The following ISOC1 variants were observed in gnomAD, a reference collection of about 807,000 sequenced individuals.
ISOC1 encodes the protein isochorismatase domain-containing protein 1.
ISOC1 carries 33 observed loss-of-function variants against 30.0 expected under a neutral mutation model. That is an observed-to-expected ratio of 1.10 (90% CI 0.83 to 1.47). ISOC1 has a LOEUF of 1.47. Among genes scored for constraint, ISOC1 ranks in the 40% most tolerant of loss-of-function variants. ISOC1 has a pLI of 0.00. For synonymous variants in ISOC1, 178 were observed against 159.8 expected, an observed-to-expected ratio of 1.11 and a Z score of -0.86; for missense variants, 372 against 388.0, an observed-to-expected ratio of 0.96 and a Z score of 0.35.
At chr5:129,101,192 A>AAATATATATATATATAT (rs1554064627) in intron 1 of ISOC1, among the ~76,000 whole-genome samples, 1 of 42,238 alleles carries the variant, frequency 2.4e-5, no homozygotes, top group Non-Finnish European at 3.6e-5. Context: ...AAAAAAAAAA[A>AAATATATATATATATAT]ATATATATAT....
At chr5:129,107,665 A>G (rs1753655726) in intron 4 of ISOC1, among the ~76,000 whole-genome samples, 2 of 152,218 alleles carry the variant, frequency 1.3e-5, no homozygotes, top group South Asian at 2.1e-4. Context: ...TACAAATACT[A>G]TGCTGTTTTA....
chr5:129,107,097 A>C (rs781678219), intron 4 of ISOC1, 35 bp downstream of exon 4: 1 of 1,500,738 alleles, frequency 6.7e-7, no homozygotes, highest in Non-Finnish European at 9.3e-7. Context: ...TCATTTGTCA[A>C]GTTTTCCAAA....
chr5:129,106,630 G>C (rs573617851), intron 3 of ISOC1, among the ~76,000 whole-genome samples: 1 of 152,156 alleles, frequency 6.6e-6, no homozygotes, highest in South Asian at 2.1e-4. Flanking sequence ...TAGTAAATCA[G>C]CTATGTGAAG....
chr5:129,107,396 TAGCTC>T (rs1399666887), intron 4 of ISOC1, among the ~76,000 whole-genome samples: 1 of 152,160 alleles, frequency 6.6e-6, no homozygotes, highest in East Asian at 1.9e-4. Context: ...AAATTAAAAA[TAGCTC>T]AGTTGGGTTT....
intron 1 of ISOC1, 56 bp downstream of exon 1, chr5:129,095,131 T>G (rs1458004718): frequency 1.4e-6 from 2 of 1,459,622 alleles, no homozygotes; most frequent in African/African-American, 2.9e-5. Context: ...CCCGTCCCCG[T>G]CCCTGTCCCC....
Position 129,113,029 on chromosome 5 carries a change from AC to A in ISOC1, c.*29del. On this transcript the variant is annotated 3_prime_UTR_variant, in exon 5 of 5. Coordinates refer to ENST00000173527, the MANE Select transcript of ISOC1 (RefSeq NM_016048.2). ...CATTTGAAGAACTGGTATGCTACTC[AC>A]TGGTGAAGGACAGTCAGGTGAAGGA... The A allele has an allele frequency of 6.3e-7, 1 of 1,596,084 alleles. No individual in the cohort carries two copies. The highest frequency in any genetic ancestry group is 1.7e-5 in the Admixed American group (1 of 58,280).
chr5:129,105,110 AATC>A (rs759273068), intron 2 of ISOC1, 35 bp downstream of exon 2: 4 of 1,613,454 alleles, frequency 2.5e-6, no homozygotes, highest in East Asian at 2.2e-5. Context: ...ATATTTGCTG[AATC>A]ATCATATACA....
chr5:129,103,875 A>G (rs1296720804), intron 1 of ISOC1, among the ~76,000 whole-genome samples: 1 of 152,186 alleles, frequency 6.6e-6, no homozygotes, highest in Non-Finnish European at 1.5e-5. Context: ...ATAATGGTTC[A>G]TTCAGGACCA....
chr5:129,105,021 G>A lies in ISOC1; in HGVS notation c.375G>A (p.Arg125=). 6.2e-7 allele frequency: 1 copy of A among 1,613,858 alleles called. No individual in the cohort carries two copies. Among genetic ancestry groups the A allele is most frequent in the South Asian group, 1.1e-5 (1 of 91,076 alleles). ...TVFFCCDMQE[R]FRPAIKYFGD... is the part of the protein sequence containing the mutation. ...TTTTCTGCTGTGATATGCAGGAAAG[G>A]TTCAGACCAGCCATCAAGTATTTTG... Residue 125 remains arginine (R), a synonymous_variant, in exon 2 of 5, where the codon AGG becomes AGA. Coordinates refer to ENST00000173527, the MANE Select transcript of ISOC1 (RefSeq NM_016048.2).
At chr5:129,097,848 T>C (rs1753523663) in intron 1 of ISOC1, 1 of 152,792 alleles carries the variant, frequency 6.5e-6, no homozygotes, top group African/African-American at 2.4e-5. Context: ...ACTTGAGCTC[T>C]TGTTTGTTCA....
In ISOC1 at chr5:129,106,979, C is replaced by A. The variant is rs1449987012; in HGVS notation, c.667C>A (p.Leu223Ile). ...GTGCATCCAACAAACTGCCCTGGAG[C>A]TAGTTGGCCGAGGAGTCGAGGTTCA... ...HVCIQQTALELVGRGVEVHIV... is the reference protein window; with the variant it reads ...HVCIQQTALEIVGRGVEVHIV... Residue 223 changes from leucine (L) to isoleucine (I), a missense_variant, in exon 4 of 5, where the codon CTA (leucine) becomes ATA (isoleucine). Physicochemically the swap from Leu to Ile is conservative, Grantham distance 5. Transcript: ENST00000173527. 1 of 1,613,604 alleles carries A rather than the reference C, an allele frequency of 6.2e-7. No individual in the cohort carries two copies. Among genetic ancestry groups the A allele is most frequent in the Non-Finnish European group, 8.5e-7 (1 of 1,179,740 alleles).
intron 4 of ISOC1, among the ~76,000 whole-genome samples, chr5:129,107,521 T>C (rs538911836): frequency 1.3e-5 from 2 of 152,108 alleles, no homozygotes; most frequent in Admixed American, 6.5e-5. Flanking sequence ...CAATAAAAAA[T>C]AACATCACAA....
At chr5:129,111,109 A>G (rs1338142551) in intron 4 of ISOC1, among the ~76,000 whole-genome samples, 3 of 151,944 alleles carry the variant, frequency 2.0e-5, no homozygotes, top group African/African-American at 4.8e-5. Flanking sequence ...ATATTTTTGA[A>G]TGGTTTTGAT....
chr5:129,106,454 G>A (rs562875853), intron 3 of ISOC1, among the ~76,000 whole-genome samples: 3 of 152,192 alleles, frequency 2.0e-5, no homozygotes, highest in South Asian at 2.1e-4. Context: ...TTTTTTTCCC[G>A]TGTCATAAGT....
At chr5:129,110,676 G>A (rs1753694651) in intron 4 of ISOC1, among the ~76,000 whole-genome samples, 1 of 152,168 alleles carries the variant, frequency 6.6e-6, no homozygotes, top group Admixed American at 6.5e-5. Flanking sequence ...CAGCATCACT[G>A]AGGCTTGTTA....
At chr5:129,097,615 A>G (rs1000364658) in intron 1 of ISOC1, 1 of 152,354 alleles carries the variant, frequency 6.6e-6, no homozygotes, top group African/African-American at 2.4e-5. Flanking sequence ...CTTACCTAAT[A>G]AATGAACTTT....
intron 4 of ISOC1, 33 bp downstream of exon 4, chr5:129,107,095 C>T (rs1753647810): frequency 6.7e-7 from 1 of 1,497,612 alleles, no homozygotes; most frequent in Non-Finnish European, 9.3e-7. Flanking sequence ...GATCATTTGT[C>T]AAGTTTTCCA....
chr5:129,112,790 A>T, intron 4 of ISOC1, 65 bp from the exon 5 acceptor site: 1 of 1,533,728 alleles, frequency 6.5e-7, no homozygotes, highest in Non-Finnish European at 8.9e-7. Flanking sequence ...GCATAGTGTT[A>T]CTCTTCTGAA....
At chr5:129,106,707 G>A (rs933633398) in intron 3 of ISOC1, among the ~76,000 whole-genome samples, 6 of 152,124 alleles carry the variant, frequency 3.9e-5, no homozygotes, top group African/African-American at 1.4e-4. Context: ...TATGTTTAAG[G>A]TTCTTAGTAT....
Sources: gnomAD v4.1 joint callset for allele counts (sites outside exome capture counted in the v4.1 genomes callset) on GRCh38, gnomAD v4.1.1 for gene constraint, MANE v1.5 for transcripts, NCBI Gene and HGNC (gene_info 2026-07-23, HGNC 2026-07-21) for gene names.